FRMD5: variants seen among roughly 807,000 people sequenced by gnomAD.
The protein encoded by FRMD5 is FERM domain-containing protein 5.
A neutral mutation model predicts 69.0 loss-of-function variants in FRMD5; 20 were observed. That is an observed-to-expected ratio of 0.29 (90% CI 0.20 to 0.42). The LOEUF (loss-of-function observed/expected upper bound fraction) is 0.42. FRMD5 is among the 10% of genes least tolerant of loss of function. The pLI, the probability that FRMD5 is intolerant of heterozygous loss-of-function variation, is 1.00. For synonymous variants in FRMD5, 271 were observed against 260.1 expected (o/e 1.04, Z -0.40); for missense variants, 595 against 708.6 (o/e 0.84, Z 1.82).
At chr15:44,000,261 A>T (rs531298601) in intron 1 of FRMD5, among the ~76,000 whole-genome samples, 18 of 152,056 alleles carry the variant, frequency 1.2e-4, no homozygotes, top group Non-Finnish European at 2.4e-4. Flanking sequence ...TGCTGAGATT[A>T]CAGGTGTGAG....
intron 1 of FRMD5, among the ~76,000 whole-genome samples, chr15:44,049,551 A>C (rs1595669986): frequency 1.3e-5 from 2 of 152,196 alleles, no homozygotes; most frequent in East Asian, 3.8e-4. Context: ...ACATAATCAA[A>C]TTAACTCATT....
intron 1 of FRMD5, among the ~76,000 whole-genome samples, chr15:44,059,826 A>C (rs1893019354): frequency 6.6e-6 from 1 of 152,084 alleles, no homozygotes; most frequent in Non-Finnish European, 1.5e-5. Context: ...GGGTCACTAT[A>C]TTTTATAAGG....
rs547555859 is a variant in FRMD5, at chr15:44,002,715, AC to A, written c.103-78407del. Among the ~76,000 whole-genome samples, 146 of 152,184 alleles carry A rather than the reference AC, an allele frequency of 9.6e-4. 1 individual carries two copies. The highest frequency in any genetic ancestry group is 3.3e-3 in the African/African-American group (139 of 41,518). ...ATGTCTGGAATCTATAGATAACATA[AC>A]CTATTAGGTCAGGGGTCGATCTTTA... On this transcript the variant is annotated intron_variant, in intron 1 of 13. Coordinates refer to ENST00000417257, the MANE Select transcript of FRMD5 (RefSeq NM_032892.5).
chr15:43,912,916 A>C (rs1172717675), intron 4 of FRMD5, among the ~76,000 whole-genome samples: 6 of 151,430 alleles, frequency 4.0e-5, no homozygotes, highest in Admixed American at 3.9e-4. Context: ...GTGTAATCCC[A>C]ATTACTTGGG....
intron 1 of FRMD5, among the ~76,000 whole-genome samples, chr15:44,111,853 CTT>C (rs139569623): frequency 3.4e-5 from 5 of 145,106 alleles, no homozygotes; most frequent in Non-Finnish European, 4.6e-5. Context: ...CTCTCTTTTC[CTT>C]TTTTTTTTTT....
At position 44,144,910 on chromosome 15, in the gene FRMD5, T is replaced by G. The variant is rs567994976; in HGVS notation, c.102+50043A>C. Reference sequence around the variant, plus strand: ...TAGAAAGCTGGTCCTAAGTGCAGGGTTGGTATGCAGGATAGGAGAAGAAAG... The same window carrying G: ...TAGAAAGCTGGTCCTAAGTGCAGGGGTGGTATGCAGGATAGGAGAAGAAAG... On this transcript the variant is annotated intron_variant, in intron 1 of 13. Transcript: ENST00000417257. 3.3e-5 allele frequency among the ~76,000 whole-genome samples: 5 copies of G among 152,226 alleles called. No homozygotes were observed. The South Asian group carries it at 8.3e-4, about 25-fold the overall frequency.
intron 1 of FRMD5, among the ~76,000 whole-genome samples, chr15:44,052,127 T>A (rs1432911968): frequency 6.6e-6 from 1 of 152,228 alleles, no homozygotes; most frequent in Non-Finnish European, 1.5e-5. Context: ...ATGGGAGATT[T>A]GTCTTTTCTC....
chr15:44,180,928 A>G (rs929359791), intron 1 of FRMD5, among the ~76,000 whole-genome samples: 132 of 152,316 alleles, frequency 8.7e-4, no homozygotes, highest in African/African-American at 3.1e-3. Context: ...TATTGACATA[A>G]AATTTTAAAA....
intron 13 of FRMD5, among the ~76,000 whole-genome samples, chr15:43,880,858 C>T (rs529882558): frequency 3.3e-5 from 5 of 152,310 alleles, no homozygotes; most frequent in Non-Finnish European, 5.9e-5. Flanking sequence ...CATTTGGCAG[C>T]AAGGGGGAAT....
chr15:44,053,510 C>A (rs761012382), intron 1 of FRMD5, among the ~76,000 whole-genome samples: 1 of 151,828 alleles, frequency 6.6e-6, no homozygotes, highest in Non-Finnish European at 1.5e-5. Flanking sequence ...TGGATGGGAG[C>A]GGTGGCAGTG....
chr15:44,112,786 G>A (rs1274173222), intron 1 of FRMD5, among the ~76,000 whole-genome samples: 1 of 151,626 alleles, frequency 6.6e-6, no homozygotes, highest in Non-Finnish European at 1.5e-5. Context: ...TAGTAGAGAT[G>A]GGGTTTCACC....
chr15:43,918,558 A>G (rs950524855), intron 4 of FRMD5, among the ~76,000 whole-genome samples: 3 of 152,168 alleles, frequency 2.0e-5, no homozygotes, highest in African/African-American at 7.2e-5. Flanking sequence ...TATGGCTGGC[A>G]ATATCCTCAT....
At chr15:44,017,211 G>A (rs1025912594) in intron 1 of FRMD5, among the ~76,000 whole-genome samples, 3 of 151,826 alleles carry the variant, frequency 2.0e-5, no homozygotes, top group African/African-American at 2.4e-5. Context: ...GGTGGTGGGC[G>A]CCTGTAGTCT....
At chr15:43,917,049 G>C (rs2089402222) in intron 4 of FRMD5, among the ~76,000 whole-genome samples, 1 of 152,156 alleles carries the variant, frequency 6.6e-6, no homozygotes, top group Non-Finnish European at 1.5e-5. Flanking sequence ...CAAAGTGCTG[G>C]GATGACAGGC....
intron 1 of FRMD5, among the ~76,000 whole-genome samples, chr15:44,141,804 C>T (rs1376425296): frequency 6.6e-6 from 1 of 152,180 alleles, no homozygotes; most frequent in Non-Finnish European, 1.5e-5. Flanking sequence ...CCTCAGACCA[C>T]ACCAGCTTTA....
intron 1 of FRMD5, among the ~76,000 whole-genome samples, chr15:44,076,143 G>A (rs1002886471): frequency 5.3e-5 from 8 of 152,054 alleles, no homozygotes; most frequent in Non-Finnish European, 1.2e-4. Flanking sequence ...GAGAGGATGT[G>A]GAGAAATAGT....
At chr15:44,090,023 G>A (rs540921109) in intron 1 of FRMD5, among the ~76,000 whole-genome samples, 6 of 152,024 alleles carry the variant, frequency 3.9e-5, no homozygotes, top group South Asian at 2.1e-4. Context: ...GCACACACAC[G>A]TGCATGCATG....
At chr15:44,039,542 T>G (rs1230546444) in intron 1 of FRMD5, among the ~76,000 whole-genome samples, 1 of 151,894 alleles carries the variant, frequency 6.6e-6, no homozygotes, top group African/African-American at 2.4e-5. Context: ...GGGTCTGGAG[T>G]GGACCTCCAT....
chr15:44,192,340 G>A (rs1054855481), intron 1 of FRMD5, among the ~76,000 whole-genome samples: 7 of 152,102 alleles, frequency 4.6e-5, no homozygotes, highest in Admixed American at 4.6e-4. Flanking sequence ...TTCTGATTCT[G>A]TAATATCCTA....
Sources: gnomAD v4.1 joint callset for allele counts (sites outside exome capture counted in the v4.1 genomes callset) on GRCh38, gnomAD v4.1.1 for gene constraint, MANE v1.5 for transcripts, NCBI Gene and HGNC (gene_info 2026-07-23, HGNC 2026-07-21) for gene names.